The following SLC25A21 variants were observed in gnomAD, a reference collection of about 807,000 sequenced individuals.
The protein encoded by SLC25A21 is solute carrier family 25 member 21.
SLC25A21 carries 47 observed loss-of-function variants against 43.8 expected under a neutral mutation model. The ratio of observed to expected loss-of-function variants is 1.07; its 90% CI spans 0.85 to 1.37. The LOEUF (loss-of-function observed/expected upper bound fraction) is 1.37. Among genes scored for constraint, SLC25A21 ranks in the 40% most tolerant of loss-of-function variants. The probability of loss-of-function intolerance (pLI) is 0.00; values close to 1 mark genes in which losing one functional copy is unlikely to be tolerated. For synonymous variants in SLC25A21, 131 were observed against 121.3 expected, an observed-to-expected ratio of 1.08 and a Z score of -0.52; for missense variants, 352 against 350.2, an observed-to-expected ratio of 1.00 and a Z score of -0.04.
intron 1 of SLC25A21, among the ~76,000 whole-genome samples, chr14:36,886,671 G>GT (rs571386274): frequency 8.6e-4 from 130 of 152,032 alleles, no homozygotes; most frequent in African/African-American, 3.0e-3. Flanking sequence ...AAATAAGTGA[G>GT]TTTTTTTTAA....
At chr14:36,901,267 T>C (rs577561391) in intron 1 of SLC25A21, among the ~76,000 whole-genome samples, 121 of 152,316 alleles carry the variant, frequency 7.9e-4, no homozygotes, top group African/African-American at 2.8e-3. Flanking sequence ...AATCTTTTTA[T>C]ATAATCCAAA....
intron 3 of SLC25A21, among the ~76,000 whole-genome samples, chr14:36,769,326 T>C (rs1281583997): frequency 6.6e-6 from 1 of 152,236 alleles, no homozygotes; most frequent in Non-Finnish European, 1.5e-5. Context: ...AGGCATGTTC[T>C]TCCTCTCCCT....
chr14:37,126,689 G>A (rs1052805325), intron 1 of SLC25A21, among the ~76,000 whole-genome samples: 4 of 152,074 alleles, frequency 2.6e-5, no homozygotes, highest in Admixed American at 2.0e-4. Context: ...AAGCCTACAC[G>A]AACATGTCAA....
intron 2 of SLC25A21, among the ~76,000 whole-genome samples, chr14:36,829,328 C>G (rs1344780520): frequency 6.6e-6 from 1 of 152,146 alleles, no homozygotes; most frequent in African/African-American, 2.4e-5. Flanking sequence ...TGACAAGAGG[C>G]AGGAGAATGG....
chr14:36,906,741 T>A (rs1414205651), intron 1 of SLC25A21, among the ~76,000 whole-genome samples: 1 of 152,014 alleles, frequency 6.6e-6, no homozygotes, highest in African/African-American at 2.4e-5. Flanking sequence ...CCTGACCTCA[T>A]GATCCACCCC....
intron 1 of SLC25A21, among the ~76,000 whole-genome samples, chr14:37,013,947 A>T (rs1316532792): frequency 6.6e-6 from 1 of 152,132 alleles, no homozygotes. Context: ...TATATATTCT[A>T]TTAAGTGTTA....
chr14:36,879,579 C>T (rs1465638855), intron 1 of SLC25A21, among the ~76,000 whole-genome samples: 3 of 152,082 alleles, frequency 2.0e-5, no homozygotes, highest in Non-Finnish European at 4.4e-5. Flanking sequence ...CATGGGTTAT[C>T]CCCTGAACTT....
At chr14:37,107,212 C>T (rs762153331) in intron 1 of SLC25A21, among the ~76,000 whole-genome samples, 18 of 152,014 alleles carry the variant, frequency 1.2e-4, no homozygotes, top group Admixed American at 4.6e-4. Context: ...GGGTGAAATA[C>T]AGTCACCCAA....
At chr14:36,859,453 G>A (rs533988375) in intron 2 of SLC25A21, among the ~76,000 whole-genome samples, 9 of 152,310 alleles carry the variant, frequency 5.9e-5, no homozygotes, top group East Asian at 3.9e-4. Context: ...GCATCAAGCC[G>A]CCCATCCAGG....
chr14:37,005,459 T>C (rs889323453), intron 1 of SLC25A21, among the ~76,000 whole-genome samples: 1 of 152,194 alleles, frequency 6.6e-6, no homozygotes. Context: ...ATTGCTATAA[T>C]TGGACAGTAC....
At chr14:36,822,211 T>C (rs1296176239) in intron 2 of SLC25A21, among the ~76,000 whole-genome samples, 1 of 152,254 alleles carries the variant, frequency 6.6e-6, no homozygotes, top group Admixed American at 6.5e-5. Context: ...ATTCTAGGCC[T>C]GGCATCAATT....
chr14:37,108,178 T>C (rs2138873475), intron 1 of SLC25A21, among the ~76,000 whole-genome samples: 2 of 152,334 alleles, frequency 1.3e-5, no homozygotes, highest in South Asian at 4.1e-4. Flanking sequence ...GGTGCAGTAT[T>C]TTCAAGTGTT....
chr14:36,991,115 A>G (rs925066177), intron 1 of SLC25A21, among the ~76,000 whole-genome samples: 1 of 152,182 alleles, frequency 6.6e-6, no homozygotes, highest in Non-Finnish European at 1.5e-5. Flanking sequence ...AGTCCAGTGG[A>G]GCATTTTTAG....
At chr14:36,730,303 C>A (rs1013658814) in intron 4 of SLC25A21, among the ~76,000 whole-genome samples, 8 of 152,136 alleles carry the variant, frequency 5.3e-5, no homozygotes, top group Non-Finnish European at 1.5e-5. Context: ...TAATACATTT[C>A]CCCCCTTTTT....
chr14:36,979,094 AAC>A (rs1461528174), intron 1 of SLC25A21, among the ~76,000 whole-genome samples: 6 of 152,164 alleles, frequency 3.9e-5, no homozygotes, highest in African/African-American at 9.7e-5. Flanking sequence ...TATCAAAAAA[AAC>A]AGTTTACTGT....
At chr14:37,161,590 G>A (rs1020565398) in intron 1 of SLC25A21, among the ~76,000 whole-genome samples, 5 of 152,200 alleles carry the variant, frequency 3.3e-5, no homozygotes, top group South Asian at 2.1e-4. Flanking sequence ...TTAAAATATG[G>A]TCATATTGGA....
chr14:37,007,622 A>AATT (rs930706046), intron 1 of SLC25A21, among the ~76,000 whole-genome samples: 3 of 151,352 alleles, frequency 2.0e-5, no homozygotes, highest in Non-Finnish European at 2.9e-5. Flanking sequence ...TAATAATAAT[A>AATT]AAGAACTTTG....
At chr14:36,838,086 C>A (rs2138492923) in intron 2 of SLC25A21, among the ~76,000 whole-genome samples, 1 of 152,230 alleles carries the variant, frequency 6.6e-6, no homozygotes, top group South Asian at 2.1e-4. Flanking sequence ...ACCGGAAACA[C>A]CCAGGTCAAT....
At chr14:36,892,818 G>A (rs561464874) in intron 1 of SLC25A21, among the ~76,000 whole-genome samples, 16 of 152,048 alleles carry the variant, frequency 1.1e-4, no homozygotes, top group East Asian at 1.9e-4. Context: ...TTGTCCTTGC[G>A]ATAGTTTGCT....
Sources: allele counts gnomAD v4.1 joint callset (sites outside exome capture counted in the v4.1 genomes callset), GRCh38; gene constraint gnomAD v4.1.1; transcripts MANE v1.5; gene names NCBI Gene and HGNC (gene_info 2026-07-23, HGNC 2026-07-21).